The following DAB1 variants were observed in gnomAD, a reference collection of about 807,000 sequenced individuals.
The protein encoded by DAB1 is DAB adaptor protein 1, also known as disabled homolog 1.
In DAB1, 15 loss-of-function variants were observed where a neutral mutation model predicts 64.6. The observed-to-expected ratio is 0.23, with a 90% CI of 0.16 to 0.36. The LOEUF is 0.36. Ranked by LOEUF, DAB1 falls within the 10% of genes least tolerant of loss-of-function variation. DAB1 has a pLI of 1.00. For missense variants in DAB1, 596 were observed against 706.7 expected, an observed-to-expected ratio of 0.84 and a Z score of 1.78; for synonymous variants, 235 against 251.9, an observed-to-expected ratio of 0.93 and a Z score of 0.64.
At position 57,920,509 on chromosome 1, in the gene DAB1, G is replaced by T. The variant is rs1481942307; in HGVS notation, n.388-36347C>A. ...TTTAATTTTCTTTTTTTTGAAACAGGGTCTTGCCATGTTGCCCAGGCTAGT... is the reference window on the plus strand; with the variant it reads ...TTTAATTTTCTTTTTTTTGAAACAGTGTCTTGCCATGTTGCCCAGGCTAGT... On this transcript the variant is annotated intron_variant and non_coding_transcript_variant, in intron 5 of 20. Transcript: ENST00000485760. Among the ~76,000 whole-genome samples the T allele has an allele frequency of 2.0e-5, 3 of 151,928 alleles. No individual in the cohort carries two copies. The East Asian group carries it at 5.8e-4, about 29-fold the overall frequency.
intron 3 of DAB1, among the ~76,000 whole-genome samples, chr1:58,433,110 C>G (rs1191792054): frequency 6.6e-6 from 1 of 152,148 alleles, no homozygotes; most frequent in South Asian, 2.1e-4. Flanking sequence ...CCTCCCACAC[C>G]CCCCCTATTT....
intron 3 of DAB1, among the ~76,000 whole-genome samples, chr1:58,352,083 AG>A (rs1176932340): frequency 6.6e-6 from 1 of 151,940 alleles, no homozygotes; most frequent in African/African-American, 2.4e-5. Flanking sequence ...ATCAGCTTGA[AG>A]GCCTGCTCAG....
intron 4 of DAB1, among the ~76,000 whole-genome samples, chr1:58,308,071 A>C (rs908623487): frequency 1.3e-5 from 2 of 152,088 alleles, no homozygotes; most frequent in Non-Finnish European, 2.9e-5. Flanking sequence ...TGCAGTGCAA[A>C]TTCTGTTCAC....
intron 4 of DAB1, among the ~76,000 whole-genome samples, chr1:57,127,800 A>T (rs950508395): frequency 6.6e-6 from 1 of 152,200 alleles, no homozygotes; most frequent in African/African-American, 2.4e-5. Flanking sequence ...AATTTATATG[A>T]CGTACTTAGC....
At chr1:57,243,342 A>G (rs1668629960) in intron 2 of DAB1, among the ~76,000 whole-genome samples, 1 of 152,198 alleles carries the variant, frequency 6.6e-6, no homozygotes, top group Non-Finnish European at 1.5e-5. Context: ...ATTAGTGGTT[A>G]ATGGTGCATC....
At chr1:57,644,562 TATATACACACATAC>T (rs1570700903) in intron 7 of DAB1, among the ~76,000 whole-genome samples, 3 of 151,882 alleles carry the variant, frequency 2.0e-5, no homozygotes, top group Non-Finnish European at 2.9e-5. Flanking sequence ...TATGCATATA[TATATACACACATAC>T]ATATATACAC....
Position 57,138,170 on chromosome 1 carries a change from T to C in DAB1, c.208-1529A>G, listed in dbSNP as rs776993815. ...CACCTGCTAGGAGGAAATTCCCTCT[T>C]TCACACATCACCCATTCATTCTCAA... On this transcript the variant is annotated intron_variant, in intron 3 of 14. Coordinates refer to ENST00000371236, the MANE Select transcript of DAB1 (RefSeq NM_001365792.1). Among the ~76,000 whole-genome samples, 18 of 152,324 alleles carry C rather than the reference T, an allele frequency of 1.2e-4. 2 individuals carry two copies. The South Asian group carries it at 1.7e-3, about 14-fold the overall frequency.
At position 57,768,790 on chromosome 1, in the gene DAB1, T is replaced by C. The variant is rs535268634; in HGVS notation, n.551+115209A>G. Among the ~76,000 whole-genome samples, 184 of 152,248 alleles carry C rather than the reference T, an allele frequency of 1.2e-3. 1 individual carries two copies. The highest frequency in any genetic ancestry group is 3.9e-3 in the South Asian group (19 of 4,830). ...CAGCACTTCTCTTTATTCCTAAAGATAATCCAGTCCACCAAATATTAATGA... is the reference window on the plus strand; with the variant it reads ...CAGCACTTCTCTTTATTCCTAAAGACAATCCAGTCCACCAAATATTAATGA... On this transcript the variant is annotated intron_variant and non_coding_transcript_variant, in intron 6 of 20. Coordinates refer to the DAB1 transcript ENST00000485760.
At chr1:57,712,210 A>G (rs946900500) in intron 6 of DAB1, among the ~76,000 whole-genome samples, 1 of 152,200 alleles carries the variant, frequency 6.6e-6, no homozygotes, top group African/African-American at 2.4e-5. Flanking sequence ...TAGCACATCA[A>G]CATAAGAATC....
intron 1 of DAB1, among the ~76,000 whole-genome samples, chr1:57,398,682 T>C (rs1683007006): frequency 6.6e-6 from 1 of 152,208 alleles, no homozygotes; most frequent in Non-Finnish European, 1.5e-5. Context: ...ACACCCCATG[T>C]TTACAAGTCA....
At chr1:57,087,925 G>A (rs576647476) in intron 4 of DAB1, among the ~76,000 whole-genome samples, 2 of 152,280 alleles carry the variant, frequency 1.3e-5, no homozygotes, top group South Asian at 4.1e-4. Flanking sequence ...GATCATAATA[G>A]ACCAGCAATG....
intron 7 of DAB1, among the ~76,000 whole-genome samples, chr1:57,568,211 C>T (rs565121628): frequency 1.3e-5 from 2 of 152,280 alleles, no homozygotes; most frequent in East Asian, 1.9e-4. Context: ...GCTGGGAAAA[C>T]TGGCTAGCCA....
intron 3 of DAB1, among the ~76,000 whole-genome samples, chr1:58,407,370 T>C (rs564064525): frequency 1.4e-4 from 22 of 152,350 alleles, no homozygotes; most frequent in African/African-American, 5.1e-4. Flanking sequence ...TATAGCCCTA[T>C]CCTGGCATCT....
intron 1 of DAB1, among the ~76,000 whole-genome samples, chr1:57,879,004 T>G (rs1644099348): frequency 1.3e-5 from 2 of 152,178 alleles, no homozygotes; most frequent in African/African-American, 4.8e-5. Context: ...ATGACAGGAT[T>G]TTGTTCTTTT....
At chr1:57,310,191 G>C (rs994222696) in intron 1 of DAB1, among the ~76,000 whole-genome samples, 1 of 152,148 alleles carries the variant, frequency 6.6e-6, no homozygotes, top group African/African-American at 2.4e-5. Flanking sequence ...AAGGATGGGA[G>C]GGCTATAAGA....
intron 2 of DAB1, among the ~76,000 whole-genome samples, chr1:57,266,990 C>T (rs1458652305): frequency 6.6e-6 from 1 of 151,770 alleles, no homozygotes; most frequent in Non-Finnish European, 1.5e-5. Context: ...AATGGTGGTC[C>T]CAAAAAGGTA....
chr1:57,821,964 T>C (rs1652141324), downstream of DAB1, among the ~76,000 whole-genome samples: 1 of 152,214 alleles, frequency 6.6e-6, no homozygotes, highest in African/African-American at 2.4e-5. Flanking sequence ...TCCTCAAAAC[T>C]ACTTGGAGGT....
chr1:57,143,754 G>C (rs955227737), intron 3 of DAB1, among the ~76,000 whole-genome samples: 6 of 151,624 alleles, frequency 4.0e-5, no homozygotes, highest in African/African-American at 1.5e-4. Context: ...TGAAAGTAAA[G>C]GTGATGCCGA....
rs1365299916 is a variant in DAB1, at chr1:57,768,574, C to CTA, written n.551+115423_551+115424dup. On this transcript the variant is annotated intron_variant and non_coding_transcript_variant, in intron 6 of 20. Coordinates refer to the DAB1 transcript ENST00000485760. ...TATAAATTATAAATATATATATTAT[C>CTA]TATATATACACAAACATATAAATAT... is the stretch of plus-strand genomic sequence containing the variant. 2.4e-4 allele frequency among the ~76,000 whole-genome samples: 36 copies of CTA among 149,574 alleles called. No homozygotes were observed. The East Asian group carries it at 6.8e-3, about 28-fold the overall frequency.
Sources: gnomAD v4.1 joint callset for allele counts (sites outside exome capture counted in the v4.1 genomes callset) on GRCh38, gnomAD v4.1.1 for gene constraint, MANE v1.5 for transcripts, NCBI Gene and HGNC (gene_info 2026-07-23, HGNC 2026-07-21) for gene names.